The following FKTN variants were observed in gnomAD, a reference collection of about 807,000 sequenced individuals.
FKTN encodes fukutin, also known as ribitol-5-phosphate transferase FKTN.
FKTN carries 47 observed loss-of-function variants against 58.6 expected under a neutral mutation model. The observed-to-expected ratio is 0.80, with a 90% CI of 0.63 to 1.02. The LOEUF (loss-of-function observed/expected upper bound fraction) is 1.02. FKTN is among the 50% of genes least tolerant of loss of function. The pLI, the probability that FKTN is intolerant of heterozygous loss-of-function variation, is 0.00. For missense variants in FKTN, 516 were observed against 537.3 expected (o/e 0.96, Z 0.39); for synonymous variants, 178 against 191.9 (o/e 0.93, Z 0.60).
At chr9:105,585,839 G>A (rs1485544306) in intron 3 of FKTN, among the ~76,000 whole-genome samples, 1 of 152,188 alleles carries the variant, frequency 6.6e-6, no homozygotes, top group African/African-American at 2.4e-5. Flanking sequence ...GTCTTGATCA[G>A]TGTGAAATTA....
intron 2 of FKTN, among the ~76,000 whole-genome samples, chr9:105,573,952 A>T (rs2131994184): frequency 6.6e-6 from 1 of 152,292 alleles, no homozygotes; most frequent in East Asian, 1.9e-4. Context: ...GGTAAGTGGT[A>T]CCCCTAAGTT....
chr9:105,581,292 G>A (rs1361453107), intron 3 of FKTN, among the ~76,000 whole-genome samples: 1 of 147,682 alleles, frequency 6.8e-6, no homozygotes, highest in Non-Finnish European at 1.5e-5. Flanking sequence ...CCCCATCTTT[G>A]TGGTTTTATC....
chr9:105,582,766 T>C (rs1224349328), intron 3 of FKTN, among the ~76,000 whole-genome samples: 2 of 152,232 alleles, frequency 1.3e-5, no homozygotes, highest in African/African-American at 2.4e-5. Flanking sequence ...ACATTTTAGA[T>C]TTTTGTTATA....
chr9:105,611,883 G>C (rs528423368), intron 7 of FKTN, among the ~76,000 whole-genome samples: 1 of 152,142 alleles, frequency 6.6e-6, no homozygotes, highest in Admixed American at 6.6e-5. Context: ...GAATTGCTGG[G>C]TCAAACAGTA....
intron 5 of FKTN, chr9:105,603,944 A>T (rs1828373312): frequency 4.5e-6 from 2 of 440,528 alleles, no homozygotes; most frequent in South Asian, 4.4e-5. Context: ...CTGGGATTAC[A>T]GGGGTGAGCT....
intron 4 of FKTN, among the ~76,000 whole-genome samples, chr9:105,599,103 A>T (rs1588072381): frequency 6.6e-6 from 1 of 152,356 alleles, no homozygotes; most frequent in East Asian, 1.9e-4. Flanking sequence ...AAGAACTCCC[A>T]CACGACTCAG....
chr9:105,590,832 C>A (rs555405661), intron 3 of FKTN, among the ~76,000 whole-genome samples: 1 of 152,172 alleles, frequency 6.6e-6, no homozygotes, highest in African/African-American at 2.4e-5. Context: ...GCTCATGGTT[C>A]TGCAGGCTGT....
intron 3 of FKTN, among the ~76,000 whole-genome samples, chr9:105,582,160 G>T (rs1316109214): frequency 6.6e-6 from 1 of 152,172 alleles, no homozygotes; most frequent in Non-Finnish European, 1.5e-5. Flanking sequence ...GTAGACCGGA[G>T]CTGTTCCTAT....
intron 5 of FKTN, among the ~76,000 whole-genome samples, chr9:105,603,413 T>C (rs2132764054): frequency 6.6e-6 from 1 of 152,344 alleles, no homozygotes; most frequent in South Asian, 2.1e-4. Flanking sequence ...GTATGTTTGT[T>C]AATTTCTAAT....
intron 1 of FKTN, among the ~76,000 whole-genome samples, chr9:105,562,866 A>T (rs572417999): frequency 6.6e-6 from 1 of 152,198 alleles, no homozygotes; most frequent in Non-Finnish European, 1.5e-5. Flanking sequence ...TCCCCAAATA[A>T]GTCGGGGATC....
rs796473946 is a variant in FKTN, at chr9:105,609,431, C to T, written c.780+1480C>T. ...TTTTTAAAAATAGGAACATTCTCTA[C>T]ATGTCCTAATATGAAAGTTAGGAAA... On this transcript the variant is annotated intron_variant, in intron 7 of 10. Transcript: ENST00000357998. Among the ~76,000 whole-genome samples, 43 of 152,166 alleles carry T rather than the reference C, an allele frequency of 2.8e-4. 1 individual carries two copies. Among genetic ancestry groups the T allele is most frequent in the African/African-American group, 1.0e-3 (43 of 41,512 alleles).
intron 3 of FKTN, among the ~76,000 whole-genome samples, chr9:105,580,607 CT>C (rs1324362725): frequency 1.4e-5 from 1 of 70,482 alleles, no homozygotes; most frequent in Non-Finnish European, 2.7e-5. Context: ...ACATTTTTTC[CT>C]TCATTTCAAC....
In FKTN at chr9:105,638,432, C is replaced by T. The variant is rs532907860; in HGVS notation, c.*3168C>T. 1 of 985,312 alleles carries T rather than the reference C, an allele frequency of 1.0e-6. No individual in the cohort carries two copies. Among genetic ancestry groups the T allele is most frequent in the East Asian group, 1.1e-4 (1 of 8,826 alleles). 61.0% of individuals were successfully genotyped at this position (985,312 alleles called of 1,614,324 possible). ...CTTCTCTCCAGACAATAAGACAGTT[C>T]ACATCTGGAGACATCAGCCTTTGGT... On this transcript the variant is annotated 3_prime_UTR_variant, in exon 11 of 11. Coordinates refer to ENST00000357998, the MANE Select transcript of FKTN (RefSeq NM_001079802.2).
At chr9:105,605,163 A>G (rs17309562) in intron 6 of FKTN, among the ~76,000 whole-genome samples, 7,773 of 151,630 alleles carry the variant, frequency 0.051, 309 homozygotes, top group Non-Finnish European at 0.08. Flanking sequence ...TTATTCATTA[A>G]TAAACAATGA....
rs1834149571 is a variant in FKTN at position 105,637,862 on chromosome 9, C to T, written c.*2598C>T. ...TCTGCTGCAGCTACTGATATCTGGC[C>T]CCTGGAATAAAACCATAGTTCCTAA... On this transcript the variant is annotated 3_prime_UTR_variant, in exon 11 of 11. Transcript: ENST00000357998. 1.0e-6 allele frequency: 1 copy of T among 985,260 alleles called. No homozygotes were observed. Among genetic ancestry groups the T allele is most frequent in the South Asian group, 4.7e-5 (1 of 21,280 alleles). The allele number at this position is 985,260 out of a possible 1,614,324, so 61.0% of individuals were successfully genotyped here. A position where few individuals can be genotyped will look rare whatever the true frequency, so the allele number is the denominator to read the frequency against.
intron 8 of FKTN, 97 bp from the exon 9 acceptor site, chr9:105,617,862 A>G (rs1439455280): frequency 1.2e-6 from 1 of 856,416 alleles, no homozygotes; most frequent in Non-Finnish European, 1.8e-6. Flanking sequence ...CTCTTTAAAA[A>G]AAAAGAAAAA....
At chr9:105,587,093 A>T (rs889029440) in intron 3 of FKTN, among the ~76,000 whole-genome samples, 3 of 152,292 alleles carry the variant, frequency 2.0e-5, no homozygotes, top group Non-Finnish European at 4.4e-5. Context: ...ATTGATGCCT[A>T]TGTGGAGGGA....
In FKTN at chr9:105,638,785, G is replaced by A. The variant is rs1327233990; in HGVS notation, c.*3521G>A. ...TTTATATTGATACTCTCTGATAAATGCAGGTAGTTAAGAATAGATTGTACT... is the reference window on the plus strand; with the variant it reads ...TTTATATTGATACTCTCTGATAAATACAGGTAGTTAAGAATAGATTGTACT... On this transcript the variant is annotated 3_prime_UTR_variant, in exon 11 of 11. Transcript: ENST00000357998. 1.0e-6 allele frequency: 1 copy of A among 980,254 alleles called. No individual in the cohort carries two copies. Among genetic ancestry groups the A allele is most frequent in the Non-Finnish European group, 1.2e-6 (1 of 825,534 alleles). 60.7% of individuals were successfully genotyped at this position (980,254 alleles called of 1,614,324 possible). A position where few individuals can be genotyped will look rare whatever the true frequency, so the allele number is the denominator to read the frequency against.
At chr9:105,602,434 T>C (rs1255573628) in intron 5 of FKTN, among the ~76,000 whole-genome samples, 2 of 152,224 alleles carry the variant, frequency 1.3e-5, no homozygotes, top group African/African-American at 2.4e-5. Context: ...TATGCCACCA[T>C]TGGCAAAACT....
Sources: gnomAD v4.1 joint callset for allele counts (sites outside exome capture counted in the v4.1 genomes callset) on GRCh38, gnomAD v4.1.1 for gene constraint, MANE v1.5 for transcripts, NCBI Gene and HGNC (gene_info 2026-07-23, HGNC 2026-07-21) for gene names.